Variants in NPAS3 observed in about 807,000 individuals in gnomAD.
NPAS3 encodes the protein neuronal PAS domain-containing protein 3.
Under a neutral mutation model 73.1 loss-of-function variants are expected in NPAS3, and 14 were observed. That is an observed-to-expected ratio of 0.19 (90% CI 0.13 to 0.30). NPAS3 has a LOEUF of 0.30. NPAS3 is among the 10% of genes least tolerant of loss of function. NPAS3 has a pLI of 1.00. For synonymous variants in NPAS3, 620 were observed against 541.5 expected, an observed-to-expected ratio of 1.14 and a Z score of -2.01; for missense variants, 1,096 against 1,250.0, an observed-to-expected ratio of 0.88 and a Z score of 1.86.
intron 4 of NPAS3, among the ~76,000 whole-genome samples, chr14:33,472,054 C>G (rs75158476): frequency 6.6e-6 from 1 of 152,298 alleles, no homozygotes; most frequent in African/African-American, 2.4e-5. Context: ...AGCTTGTATT[C>G]TAGCTGGAGG....
intron 5 of NPAS3, among the ~76,000 whole-genome samples, chr14:33,603,406 C>CA (rs529328078): frequency 2.7e-4 from 41 of 151,998 alleles, no homozygotes; most frequent in Non-Finnish European, 5.3e-4. Context: ...TGGGAGAATG[C>CA]AAAAAATATT....
In NPAS3 at chr14:33,769,154, A is replaced by G. The variant is rs575451976; in HGVS notation, c.853-5183A>G. On this transcript the variant is annotated intron_variant, in intron 7 of 11. Coordinates refer to ENST00000356141, the Ensembl canonical transcript of NPAS3. Reference sequence around the variant, plus strand: ...CAAAGTGGGTAAAAATGCCTTTGGCACTCTTATGTATGTTTTCTCCTTTGG... The same window carrying G: ...CAAAGTGGGTAAAAATGCCTTTGGCGCTCTTATGTATGTTTTCTCCTTTGG... 1.2e-3 allele frequency among the ~76,000 whole-genome samples: 189 copies of G among 152,210 alleles called. 1 individual carries two copies. The highest frequency in any genetic ancestry group is 2.1e-3 in the Non-Finnish European group (143 of 68,020).
chr14:33,433,377 C>T (rs190340345), intron 4 of NPAS3, among the ~76,000 whole-genome samples: 3 of 152,264 alleles, frequency 2.0e-5, no homozygotes, highest in Admixed American at 6.5e-5. Flanking sequence ...ATAAAGCAAA[C>T]GCAGTCTTTG....
intron 2 of NPAS3, among the ~76,000 whole-genome samples, chr14:33,132,769 T>C (rs751014352): frequency 1.6e-4 from 24 of 152,198 alleles, no homozygotes; most frequent in Non-Finnish European, 2.6e-4. Flanking sequence ...GAATCATCAG[T>C]GTTCAAAGCC....
At chr14:33,350,138 C>T (rs2044963873) in intron 3 of NPAS3, among the ~76,000 whole-genome samples, 1 of 152,170 alleles carries the variant, frequency 6.6e-6, no homozygotes, top group Admixed American at 6.5e-5. Context: ...ATCAAATTCA[C>T]TGTAATGAGC....
intron 4 of NPAS3, among the ~76,000 whole-genome samples, chr14:33,467,069 A>G (rs2050561151): frequency 6.6e-6 from 1 of 152,226 alleles, no homozygotes; most frequent in African/African-American, 2.4e-5. Context: ...GTTAGTGTTC[A>G]TAAAGTTGTT....
rs372586569 is a variant in NPAS3 at position 33,776,993 on chromosome 14, G to A, written c.1047-1473G>A. Reference sequence around the variant, plus strand: ...AGAAATGCCTTCCCTAAAGAATGGAGTGGCTTTTTCCTGGGGTTTATTATT... The same window carrying A: ...AGAAATGCCTTCCCTAAAGAATGGAATGGCTTTTTCCTGGGGTTTATTATT... On this transcript the variant is annotated intron_variant, in intron 8 of 11. Transcript: ENST00000356141. Among the ~76,000 whole-genome samples, 51 of 152,326 alleles carry A rather than the reference G, an allele frequency of 3.3e-4. No homozygotes were observed. The Middle Eastern group carries it at 0.017, about 51-fold the overall frequency.
chr14:33,504,426 C>A (rs1456690536), intron 4 of NPAS3, among the ~76,000 whole-genome samples: 2 of 151,952 alleles, frequency 1.3e-5, no homozygotes, highest in Non-Finnish European at 2.9e-5. Flanking sequence ...ATGTGATTCC[C>A]AAGACTTTTA....
intron 2 of NPAS3, among the ~76,000 whole-genome samples, chr14:33,061,133 G>A (rs978986476): frequency 3.9e-5 from 6 of 152,164 alleles, no homozygotes; most frequent in Admixed American, 6.5e-5. Flanking sequence ...CAATTAAGGC[G>A]AACAAGACAG....
At position 33,372,157 on chromosome 14, in the gene NPAS3, C is replaced by G. The variant is rs555541927; in HGVS notation, c.468+4889C>G. Among the ~76,000 whole-genome samples the G allele has an allele frequency of 2.6e-5, 4 of 152,274 alleles. No homozygotes were observed. In the South Asian group the frequency reaches 6.2e-4, roughly 24 times the overall value. ...CAGTTCCAAATACCAGTGTGGAGTT[C>G]AGAAAATGCCTGTGACTTCACTGCA... On this transcript the variant is annotated intron_variant, in intron 4 of 11. Transcript: ENST00000356141.
chr14:33,704,607 CA>C (rs1385341029), intron 6 of NPAS3, among the ~76,000 whole-genome samples: 2 of 152,162 alleles, frequency 1.3e-5, no homozygotes, highest in African/African-American at 4.8e-5. Flanking sequence ...TGGCAGGGAT[CA>C]GCTTGATAAA....
At chr14:33,331,412 C>A (rs2043978919) in intron 3 of NPAS3, among the ~76,000 whole-genome samples, 1 of 152,146 alleles carries the variant, frequency 6.6e-6, no homozygotes, top group Non-Finnish European at 1.5e-5. Flanking sequence ...GTATGCGTTT[C>A]ATTACCATGA....
At chr14:33,172,739 T>TAA (rs60648371) in intron 2 of NPAS3, among the ~76,000 whole-genome samples, 3 of 145,792 alleles carry the variant, frequency 2.1e-5, no homozygotes, top group Non-Finnish European at 4.5e-5. Context: ...GACCCAGCCT[T>TAA]AAAAAAAAAA....
chr14:33,032,878 T>C (rs1431978353), intron 1 of NPAS3, among the ~76,000 whole-genome samples: 1 of 152,200 alleles, frequency 6.6e-6, no homozygotes, highest in Non-Finnish European at 1.5e-5. Flanking sequence ...CCCAATTTGA[T>C]CTTGTGAGCT....
At chr14:33,089,801 C>T (rs571093146) in intron 2 of NPAS3, among the ~76,000 whole-genome samples, 4,583 of 152,146 alleles carry the variant, frequency 0.03, 213 homozygotes, top group African/African-American at 0.1. Context: ...GCAGATCTCT[C>T]GGCAGAAACT....
chr14:33,184,514 G>C (rs1390241223), intron 2 of NPAS3, among the ~76,000 whole-genome samples: 2 of 152,108 alleles, frequency 1.3e-5, no homozygotes, highest in African/African-American at 2.4e-5. Context: ...CTTGGGAAGG[G>C]TACACTGTAG....
chr14:33,162,134 G>A (rs902999742), intron 2 of NPAS3, among the ~76,000 whole-genome samples: 5 of 152,206 alleles, frequency 3.3e-5, no homozygotes, highest in African/African-American at 9.7e-5. Context: ...ATTTCCTTAT[G>A]TACCTGCTTA....
At position 33,265,538 on chromosome 14, in the gene NPAS3, G is replaced by A. The variant is rs574836789; in HGVS notation, c.385+50112G>A. Among the ~76,000 whole-genome samples, 4 of 152,140 alleles carry A rather than the reference G, an allele frequency of 2.6e-5. No individual in the cohort carries two copies. In the East Asian group the frequency reaches 7.7e-4, roughly 29 times the overall value. ...TTTTATAACAGCAAATAAAGTAAAAGCTAACATTTGATAAATTAGGCTCTG... is the reference window on the plus strand; with the variant it reads ...TTTTATAACAGCAAATAAAGTAAAAACTAACATTTGATAAATTAGGCTCTG... On this transcript the variant is annotated intron_variant, in intron 3 of 11. Transcript: ENST00000356141.
chr14:33,799,982 C>A (rs1465354682), exon 12 of NPAS3: 1 of 1,613,724 alleles, frequency 6.2e-7, no homozygotes, highest in Non-Finnish European at 8.5e-7. Flanking sequence ...CAAGGTGGAG[C>A]GCTACGTGGA....
Sources: gnomAD v4.1 joint callset for allele counts (sites outside exome capture counted in the v4.1 genomes callset) on GRCh38, gnomAD v4.1.1 for gene constraint, MANE v1.5 for transcripts, NCBI Gene and HGNC (gene_info 2026-07-23, HGNC 2026-07-21) for gene names.